KCNMA1: variants seen among roughly 807,000 people sequenced by gnomAD.
KCNMA1 encodes the protein potassium calcium-activated channel subfamily M alpha 1.
In KCNMA1, 29 loss-of-function variants were observed where a neutral mutation model predicts 140.0. The ratio of observed to expected loss-of-function variants is 0.21; its 90% CI spans 0.15 to 0.28. The LOEUF is 0.28. Ranked by LOEUF, KCNMA1 falls within the 10% of genes least tolerant of loss-of-function variation. KCNMA1 has a pLI of 1.00. For synonymous variants in KCNMA1, 612 were observed against 611.9 expected (o/e 1.00, Z 0.00); for missense variants, 880 against 1,602.2 (o/e 0.55, Z 7.70).
At chr10:77,600,046 C>T (rs1183058026) in intron 1 of KCNMA1, among the ~76,000 whole-genome samples, 8 of 152,218 alleles carry the variant, frequency 5.3e-5, no homozygotes, top group Admixed American at 2.0e-4. Flanking sequence ...CCTGAGCATA[C>T]GCTGTGGGAA....
chr10:77,038,959 A>G (rs898439054), intron 15 of KCNMA1, among the ~76,000 whole-genome samples: 4 of 152,176 alleles, frequency 2.6e-5, no homozygotes, highest in Admixed American at 6.5e-5. Context: ...CATCCTGCTG[A>G]GCCAGTGGAA....
intron 1 of KCNMA1, among the ~76,000 whole-genome samples, chr10:77,481,683 G>A (rs921249045): frequency 2.6e-5 from 4 of 151,478 alleles, no homozygotes; most frequent in Admixed American, 1.3e-4. Flanking sequence ...GCTGAGACAG[G>A]AGAATGGCGT....
chr10:77,168,359 G>A (rs1365136181), intron 5 of KCNMA1, among the ~76,000 whole-genome samples: 2 of 152,090 alleles, frequency 1.3e-5, no homozygotes, highest in African/African-American at 4.8e-5. Context: ...TTAATGACAG[G>A]GATGTGTCAT....
intron 15 of KCNMA1, among the ~76,000 whole-genome samples, chr10:77,038,388 C>G (rs2094464654): frequency 6.6e-6 from 1 of 152,140 alleles, no homozygotes; most frequent in Admixed American, 6.6e-5. Flanking sequence ...CAGTGAGCTC[C>G]CAGATACCCC....
chr10:77,610,193 A>G (rs2619631), intron 1 of KCNMA1, among the ~76,000 whole-genome samples: 33,603 of 152,106 alleles, frequency 0.22, 4,011 homozygotes, highest in African/African-American at 0.27. Flanking sequence ...CAGCCCCTCT[A>G]ACACACACAA....
intron 22 of KCNMA1, among the ~76,000 whole-genome samples, chr10:76,946,985 A>G (rs901968789): frequency 2.0e-5 from 3 of 152,196 alleles, no homozygotes; most frequent in Non-Finnish European, 4.4e-5. Context: ...GTTTGAAATG[A>G]CCTGCAAAGA....
intron 11 of KCNMA1, 115 bp downstream of exon 11, chr10:77,086,373 T>C (rs1049818829): frequency 3.0e-5 from 23 of 771,008 alleles, no homozygotes; most frequent in Non-Finnish European, 4.9e-5. Context: ...CATTAGGTGT[T>C]TAGGAGATGA....
At position 77,637,577 on chromosome 10, in the gene KCNMA1, A is replaced by T. The variant is rs2154572179; in HGVS notation, c.66T>A (p.Ser22Arg). Reference protein sequence around the residue: ...SGGGGGGGGSSLRMSSNIHAN... With the variant: ...SGGGGGGGGSRLRMSSNIHAN... ...CGTGGATATTGCTACTCATTCTAAG[A>T]CTGCTGCCTCCGCCGCCGCCGCCGC... Residue 22 changes from serine (S) to arginine (R), a missense_variant, in exon 1 of 28, where the codon AGT (serine) becomes AGA (arginine). By Grantham distance (110) the Ser-to-Arg change is moderately radical. Transcript: ENST00000286628. 6.5e-7 allele frequency: 1 copy of T among 1,534,830 alleles called. No individual in the cohort carries two copies. The highest frequency in any genetic ancestry group is 8.7e-7 in the Non-Finnish European group (1 of 1,142,924).
intron 19 of KCNMA1, among the ~76,000 whole-genome samples, chr10:76,985,330 C>G (rs934954428): frequency 6.6e-6 from 1 of 152,198 alleles, no homozygotes; most frequent in Non-Finnish European, 1.5e-5. Context: ...AACTTAATCA[C>G]TTACATAAAA....
chr10:76,890,596 G>GA (rs1331799588), intron 26 of KCNMA1, among the ~76,000 whole-genome samples: 10 of 152,210 alleles, frequency 6.6e-5, no homozygotes, highest in Non-Finnish European at 8.8e-5. Context: ...CACTGTTTCA[G>GA]AAAAAACAGA....
intron 2 of KCNMA1, among the ~76,000 whole-genome samples, chr10:77,379,486 GA>G (rs1000449722): frequency 1.2e-4 from 18 of 150,384 alleles, no homozygotes; most frequent in African/African-American, 4.4e-4. Flanking sequence ...TATAGAAGCA[GA>G]AAACAAGAGT....
chr10:76,955,748 G>T (rs547983879), intron 20 of KCNMA1, among the ~76,000 whole-genome samples: 69 of 152,316 alleles, frequency 4.5e-4, no homozygotes, highest in African/African-American at 1.5e-3. Flanking sequence ...TGTCCTTGAA[G>T]AGTCTTTAAC....
At chr10:77,179,271 T>C (rs760808889) in intron 5 of KCNMA1, among the ~76,000 whole-genome samples, 1 of 152,138 alleles carries the variant, frequency 6.6e-6, no homozygotes, top group Non-Finnish European at 1.5e-5. Flanking sequence ...ACTGAGTTGG[T>C]GGAGCTCAGA....
chr10:77,539,167 C>A (rs2059604199), intron 1 of KCNMA1, among the ~76,000 whole-genome samples: 1 of 152,312 alleles, frequency 6.6e-6, no homozygotes, highest in South Asian at 2.1e-4. Flanking sequence ...CCACTTTTCT[C>A]TTTTCTGTTC....
intron 23 of KCNMA1, among the ~76,000 whole-genome samples, chr10:76,940,292 G>A (rs908430009): frequency 6.6e-6 from 1 of 152,152 alleles, no homozygotes; most frequent in African/African-American, 2.4e-5. Context: ...ACACCATGTG[G>A]GCTAGAAAAG....
chr10:77,300,929 C>A (rs758286934), intron 2 of KCNMA1, among the ~76,000 whole-genome samples: 2 of 152,174 alleles, frequency 1.3e-5, no homozygotes, highest in African/African-American at 2.4e-5. Flanking sequence ...CTCGCTGGCC[C>A]CACAGGTTCT....
At chr10:76,946,612 A>G (rs2064039201) in intron 22 of KCNMA1, among the ~76,000 whole-genome samples, 1 of 152,226 alleles carries the variant, frequency 6.6e-6, no homozygotes, top group Non-Finnish European at 1.5e-5. Context: ...GCTCTGGAGC[A>G]GCGTCTTTTT....
At chr10:77,191,293 A>C (rs1403952188) in intron 3 of KCNMA1, among the ~76,000 whole-genome samples, 1 of 152,220 alleles carries the variant, frequency 6.6e-6, no homozygotes, top group African/African-American at 2.4e-5. Flanking sequence ...GTGAGCTAAT[A>C]ACAATAATGG....
chr10:77,528,619 A>AAAAAG (rs905284440), intron 1 of KCNMA1, among the ~76,000 whole-genome samples: 20 of 151,304 alleles, frequency 1.3e-4, no homozygotes, highest in African/African-American at 4.6e-4. Context: ...AAAAAAAAAA[A>AAAAAG]AAAAGAAAAG....
Sources: allele counts gnomAD v4.1 joint callset (sites outside exome capture counted in the v4.1 genomes callset), GRCh38; gene constraint gnomAD v4.1.1; transcripts MANE v1.5; gene names NCBI Gene and HGNC (gene_info 2026-07-23, HGNC 2026-07-21).